Variants in RHBDL2 observed in about 807,000 individuals in gnomAD.
The protein encoded by RHBDL2 is rhomboid-related protein 2.
Under a neutral mutation model 31.7 loss-of-function variants are expected in RHBDL2, and 26 were observed. That is an observed-to-expected ratio of 0.82 (90% confidence interval 0.60 to 1.14). The LOEUF is 1.14. Ranked by LOEUF, RHBDL2 falls within the 50% of genes most tolerant of loss-of-function variation. The pLI is 0.00. For synonymous variants in RHBDL2, 123 were observed against 127.2 expected, an observed-to-expected ratio of 0.97 and a Z score of 0.22; for missense variants, 336 against 364.4, an observed-to-expected ratio of 0.92 and a Z score of 0.63.
chr1:38,897,376 A>G (rs1642932201), intron 4 of RHBDL2, among the ~76,000 whole-genome samples: 2 of 152,158 alleles, frequency 1.3e-5, no homozygotes, highest in African/African-American at 4.8e-5. Flanking sequence ...CTGGGATTAC[A>G]GGCGTGAGCC....
intron 4 of RHBDL2, among the ~76,000 whole-genome samples, chr1:38,908,969 G>A (rs1489191188): frequency 1.3e-5 from 2 of 152,188 alleles, no homozygotes; most frequent in Non-Finnish European, 2.9e-5. Context: ...GAAGGCGGAT[G>A]GTTTTCCCCT....
chr1:38,941,028 C>T (rs992367684), intron 1 of RHBDL2, among the ~76,000 whole-genome samples: 4 of 152,156 alleles, frequency 2.6e-5, no homozygotes, highest in Admixed American at 6.6e-5. Context: ...TTGTAGATGA[C>T]CATCAAATGT....
chr1:38,935,284 G>T (rs1284587170), intron 1 of RHBDL2, among the ~76,000 whole-genome samples: 1 of 152,136 alleles, frequency 6.6e-6, no homozygotes, highest in Non-Finnish European at 1.5e-5. Context: ...GCATTAATTT[G>T]CATCCCCATG....
At chr1:38,900,377 T>G (rs985638241) in intron 4 of RHBDL2, among the ~76,000 whole-genome samples, 4 of 152,058 alleles carry the variant, frequency 2.6e-5, no homozygotes, top group Non-Finnish European at 4.4e-5. Context: ...ATCCCAGCAC[T>G]TTGGGACGAC....
intron 4 of RHBDL2, among the ~76,000 whole-genome samples, chr1:38,910,968 AG>A (rs1368739065): frequency 6.6e-6 from 1 of 151,456 alleles, no homozygotes; most frequent in Non-Finnish European, 1.5e-5. Context: ...TGGTGGAGAG[AG>A]GGTTTCACCA....
intron 4 of RHBDL2, among the ~76,000 whole-genome samples, chr1:38,908,513 C>CAAAAAAA (rs35185971): frequency 3.0e-5 from 2 of 66,876 alleles, no homozygotes; most frequent in Non-Finnish European, 5.5e-5. Flanking sequence ...ACTCCGTCTC[C>CAAAAAAA]AAAAAAAAAA....
chr1:38,906,463 A>G (rs562592232), intron 4 of RHBDL2, among the ~76,000 whole-genome samples: 15 of 152,242 alleles, frequency 9.9e-5, no homozygotes, highest in African/African-American at 3.6e-4. Context: ...TCATGAGGTC[A>G]GGAGATCGAG....
chr1:38,899,951 C>A (rs1027772843), intron 4 of RHBDL2, among the ~76,000 whole-genome samples: 12 of 152,182 alleles, frequency 7.9e-5, no homozygotes, highest in African/African-American at 2.9e-4. Flanking sequence ...TGCCCTGCGA[C>A]TTTTCTCTAG....
intron 4 of RHBDL2, among the ~76,000 whole-genome samples, chr1:38,908,161 G>GAAA (rs572425278): frequency 2.4e-5 from 2 of 83,264 alleles, no homozygotes; most frequent in African/African-American, 4.0e-5. Context: ...CTCCAAATTT[G>GAAA]AAAAAAAAAA....
Position 38,911,981 on chromosome 1 carries a change from T to A in RHBDL2, c.396-547A>T, listed in dbSNP as rs1469872391. Among the ~76,000 whole-genome samples, 47 of 151,634 alleles carry A rather than the reference T, an allele frequency of 3.1e-4. 1 individual carries two copies. Among genetic ancestry groups the A allele is most frequent in the Admixed American group, 3.0e-3 (46 of 15,198 alleles). Reference sequence around the variant, plus strand: ...GCAACCACGCCCAGCTAATTTTTTTTTTTTTGGTAGACGGAGTTTTGCTCT... The same window carrying A: ...GCAACCACGCCCAGCTAATTTTTTTATTTTTGGTAGACGGAGTTTTGCTCT... On this transcript the variant is annotated intron_variant, in intron 3 of 7. Transcript: ENST00000372990.
chr1:38,916,506 G>C (rs1400509135), intron 2 of RHBDL2, among the ~76,000 whole-genome samples: 1 of 152,120 alleles, frequency 6.6e-6, no homozygotes, highest in African/African-American at 2.4e-5. Context: ...GGTAAATCTG[G>C]AGTTTAGTTA....
At chr1:38,934,326 T>C (rs1280279187) in intron 1 of RHBDL2, among the ~76,000 whole-genome samples, 3 of 151,812 alleles carry the variant, frequency 2.0e-5, no homozygotes, top group Non-Finnish European at 4.4e-5. Flanking sequence ...CCAGCCTGGA[T>C]GACAGAGCAA....
intron 7 of RHBDL2, among the ~76,000 whole-genome samples, 190 bp downstream of exon 7, chr1:38,887,773 G>C (rs1375238598): frequency 2.6e-5 from 4 of 152,130 alleles, no homozygotes; most frequent in Non-Finnish European, 5.9e-5. Flanking sequence ...CAGTGAAGTA[G>C]AGCCAGTGAT....
At chr1:38,926,698 G>C (rs1477851871) in intron 1 of RHBDL2, 1 of 152,214 alleles carries the variant, frequency 6.6e-6, no homozygotes, top group East Asian at 1.9e-4. Context: ...AAATTAGCCA[G>C]GTGAGGTGGC....
Position 38,911,447 on chromosome 1 carries a change from A to C in RHBDL2, c.396-13T>G. 1.3e-6 allele frequency: 2 copies of C among 1,549,010 alleles called. No individual in the cohort carries two copies. The highest frequency in any genetic ancestry group is 1.8e-6 in the Non-Finnish European group (2 of 1,120,816). On this transcript the variant is annotated splice_polypyrimidine_tract_variant and intron_variant, in intron 3 of 7. Transcript: ENST00000372990. ...GATGTGCTGAACTCTGCAAAGACAA[A>C]CAATAGTTGTCAAATATTATGACTA...
At chr1:38,934,767 C>A (rs1643475991) in intron 1 of RHBDL2, among the ~76,000 whole-genome samples, 1 of 151,438 alleles carries the variant, frequency 6.6e-6, no homozygotes, top group African/African-American at 2.4e-5. Flanking sequence ...ACCAGCCTGG[C>A]CAACACAGTC....
chr1:38,926,320 A>C (rs1643374561), intron 1 of RHBDL2: 8 of 486,642 alleles, frequency 1.6e-5, no homozygotes, highest in African/African-American at 2.1e-5. Flanking sequence ...CAAAGGCAGC[A>C]GCACTGGGCG....
rs1642783322 is a variant in RHBDL2, at chr1:38,886,283, TTC to T, written c.*219_*220del. 1 of 318,906 alleles carries T rather than the reference TTC, an allele frequency of 3.1e-6. No homozygotes were observed. Among genetic ancestry groups the T allele is most frequent in the African/African-American group, 2.1e-5 (1 of 46,798 alleles). The allele number at this position is 318,906 out of a possible 1,614,324, so 19.8% of individuals were successfully genotyped here. ...ATCTCTAGTTTTTACTACCCTTCTTTTCTCTCTTCTTCTTCCCTTTCTACATT... is the reference window on the plus strand; with the variant it reads ...ATCTCTAGTTTTTACTACCCTTCTTTTCTCTTCTTCTTCCCTTTCTACATT... On this transcript the variant is annotated 3_prime_UTR_variant, in exon 8 of 8. Transcript: ENST00000372990.
chr1:38,927,648 C>T (rs930675713), intron 1 of RHBDL2, among the ~76,000 whole-genome samples: 14 of 152,180 alleles, frequency 9.2e-5, no homozygotes, highest in Middle Eastern at 3.2e-3. Context: ...ATTTAGTTTT[C>T]CACTGGGCCT....
Sources: gnomAD v4.1 joint callset for allele counts (sites outside exome capture counted in the v4.1 genomes callset) on GRCh38, gnomAD v4.1.1 for gene constraint, MANE v1.5 for transcripts, NCBI Gene and HGNC (gene_info 2026-07-23, HGNC 2026-07-21) for gene names.